RNF212B: variants seen among roughly 807,000 people sequenced by gnomAD.
RNF212B encodes the protein ring finger protein 212B, also known as E3 ubiquitin-protein ligase RNF212B.
A neutral mutation model predicts 55.5 loss-of-function variants in RNF212B; 52 were observed. The observed-to-expected ratio is 0.94, with a 90% CI of 0.75 to 1.18. The LOEUF (loss-of-function observed/expected upper bound fraction) is 1.18. RNF212B is among the 50% of genes most tolerant of loss of function. RNF212B has a pLI of 0.00. For missense variants in RNF212B, 289 were observed against 350.4 expected, an observed-to-expected ratio of 0.82 and a Z score of 1.40; for synonymous variants, 99 against 121.4, an observed-to-expected ratio of 0.82 and a Z score of 1.21.
intron 2 of RNF212B, among the ~76,000 whole-genome samples, chr14:23,227,325 A>G (rs1001317787): frequency 2.0e-5 from 3 of 152,126 alleles, no homozygotes; most frequent in Non-Finnish European, 4.4e-5. Flanking sequence ...TTATTTTAAA[A>G]CAAAAAGTTA....
At chr14:23,260,598 AG>A in intron 6 of RNF212B, 60 bp from the exon 7 acceptor site, 1 of 1,462,020 alleles carries the variant, frequency 6.8e-7, no homozygotes, top group Non-Finnish European at 9.4e-7. Flanking sequence ...GTAAGACTGA[AG>A]ATCTGTTGAT....
intron 2 of RNF212B, among the ~76,000 whole-genome samples, chr14:23,225,310 T>C (rs1439088150): frequency 6.6e-6 from 1 of 152,200 alleles, no homozygotes; most frequent in East Asian, 1.9e-4. Flanking sequence ...ACTGGGTATA[T>C]ACCCAAAAGA....
At chr14:23,265,874 T>A (rs916858434) in intron 11 of RNF212B, among the ~76,000 whole-genome samples, 1 of 152,248 alleles carries the variant, frequency 6.6e-6, no homozygotes, top group East Asian at 1.9e-4. Context: ...TTTTTTACTA[T>A]TGATGTTTCC....
intron 1 of RNF212B, chr14:23,188,462 T>A (rs1316101680): frequency 2.2e-5 from 3 of 135,892 alleles, no homozygotes; most frequent in Non-Finnish European, 4.5e-5. Flanking sequence ...AGATTAGGGT[T>A]TTTTTTTTTT....
At chr14:23,229,515 C>T (rs182490799) in intron 2 of RNF212B, among the ~76,000 whole-genome samples, 1 of 151,938 alleles carries the variant, frequency 6.6e-6, no homozygotes, top group African/African-American at 2.4e-5. Flanking sequence ...CAGCAATGTA[C>T]AAGGGTTCTG....
intron 2 of RNF212B, among the ~76,000 whole-genome samples, chr14:23,207,035 T>G (rs945013462): frequency 6.6e-6 from 1 of 152,198 alleles, no homozygotes; most frequent in African/African-American, 2.4e-5. Flanking sequence ...TCCTTTTAAT[T>G]AAGCTGATTT....
Position 23,272,911 on chromosome 14 carries a change from C to T in RNF212B, c.*20C>T. 7.0e-7 allele frequency: 1 copy of T among 1,419,588 alleles called. No homozygotes were observed. Among genetic ancestry groups the T allele is most frequent in the Non-Finnish European group, 9.6e-7 (1 of 1,041,374 alleles). The allele number at this position is 1,419,588 out of a possible 1,614,324, so 87.9% of individuals were successfully genotyped here. ...AGATAGATCATCTTCAAGATCTGAT[C>T]TATACATGCTGCTGAAGGATGGACT... On this transcript the variant is annotated 3_prime_UTR_variant, in exon 15 of 15. Transcript: ENST00000430154.
At chr14:23,235,214 G>GA (rs34181212), upstream of RNF212B, among the ~76,000 whole-genome samples, 44 of 147,482 alleles carry the variant, frequency 3.0e-4, no homozygotes, top group South Asian at 6.4e-4. Context: ...TCTGTCTCAG[G>GA]AAAAAAAAAA....
At chr14:23,189,198 G>C (rs1877880806) in intron 1 of RNF212B, among the ~76,000 whole-genome samples, 1 of 152,120 alleles carries the variant, frequency 6.6e-6, no homozygotes. Context: ...GCTTCTAGTT[G>C]ACATCTTTGA....
intron 4 of RNF212B, among the ~76,000 whole-genome samples, chr14:23,246,061 A>G (rs1883955240): frequency 6.6e-6 from 1 of 151,638 alleles, no homozygotes; most frequent in African/African-American, 2.4e-5. Flanking sequence ...TGAATTCTTT[A>G]CTCACCTCAA....
rs368687527 is a variant in RNF212B, at chr14:23,197,940, C to T, written c.-2+4539C>T. Among the ~76,000 whole-genome samples, 19 of 152,040 alleles carry T rather than the reference C, an allele frequency of 1.2e-4. No individual in the cohort carries two copies. The East Asian group carries it at 2.7e-3, about 22-fold the overall frequency. ...TCAAAGGGGGTTGTTCTCTGGTGGG[C>T]AGGCGGGGATCTCACAAAGTACATT... On this transcript the variant is annotated intron_variant, in intron 2 of 15. Transcript: ENST00000399910.
At chr14:23,257,963 TA>T (rs34014159) in intron 4 of RNF212B, among the ~76,000 whole-genome samples, 6 of 152,070 alleles carry the variant, frequency 3.9e-5, no homozygotes, top group African/African-American at 1.4e-4. Context: ...AAAACAGTTT[TA>T]AAAAAAATCT....
At position 23,244,381 on chromosome 14, in the gene RNF212B, T is replaced by C. The variant is rs1457898910; in HGVS notation, c.213T>C (p.Phe71=). ...KSPVETALQY[F]SHISQVWSFQ... ...CTGTGGAGACAGCTTTGCAGTATTTTAGTCACATCTCTCAGGTATGAGAAA... is the reference window on the plus strand; with the variant it reads ...CTGTGGAGACAGCTTTGCAGTATTTCAGTCACATCTCTCAGGTATGAGAAA... The change falls in exon 4 of 15, where the codon TTT becomes TTC. Residue 71 remains phenylalanine, a synonymous_variant. Transcript: ENST00000430154. 1 of 1,540,906 alleles carries C rather than the reference T, an allele frequency of 6.5e-7. No homozygotes were observed. Among genetic ancestry groups the C allele is most frequent in the Non-Finnish European group, 8.8e-7 (1 of 1,141,664 alleles).
chr14:23,237,175 G>A (rs1278136519), upstream of RNF212B, among the ~76,000 whole-genome samples: 1 of 151,094 alleles, frequency 6.6e-6, no homozygotes, highest in African/African-American at 2.4e-5. Context: ...TGTCTCCCAG[G>A]CTGAAGTGCA....
At chr14:23,268,206 G>T (rs1885831342) in intron 11 of RNF212B, among the ~76,000 whole-genome samples, 2 of 152,128 alleles carry the variant, frequency 1.3e-5, no homozygotes, top group African/African-American at 4.8e-5. Flanking sequence ...GGTCTTCCAG[G>T]GAACCACTAG....
In RNF212B at chr14:23,220,992, G is replaced by T. The variant is rs552380032; in HGVS notation, c.-1-19353G>T. ...ACAAATAAAATGGCAGGAGTAAGCT[G>T]CTATTTATCAATAATAACATTGAAT... On this transcript the variant is annotated intron_variant, in intron 2 of 15. Transcript: ENST00000399910. Among the ~76,000 whole-genome samples the T allele has an allele frequency of 2.6e-3, 397 of 152,218 alleles. 12 individuals carry two copies. Among genetic ancestry groups the T allele is most frequent in the Middle Eastern group, 3.4e-3 (1 of 294 alleles).
intron 4 of RNF212B, among the ~76,000 whole-genome samples, chr14:23,244,833 T>TTCAATAACCTC (rs1883876615): frequency 6.6e-6 from 1 of 152,224 alleles, no homozygotes; most frequent in South Asian, 2.1e-4. Context: ...ATTCTCACTT[T>TTCAATAACCTC]TCAATAACCT....
At chr14:23,212,439 G>C (rs900173786) in intron 2 of RNF212B, among the ~76,000 whole-genome samples, 1 of 152,058 alleles carries the variant, frequency 6.6e-6, no homozygotes, top group African/African-American at 2.4e-5. Context: ...TGGAATCTGT[G>C]AAAAAGCTCT....
intron 2 of RNF212B, among the ~76,000 whole-genome samples, chr14:23,204,724 A>G (rs1285766883): frequency 6.6e-6 from 1 of 152,070 alleles, no homozygotes; most frequent in Non-Finnish European, 1.5e-5. Flanking sequence ...TTCATTCCAT[A>G]TGAAGTTTAG....
Sources: gnomAD v4.1 joint callset for allele counts (sites outside exome capture counted in the v4.1 genomes callset) on GRCh38, gnomAD v4.1.1 for gene constraint, MANE v1.5 for transcripts, NCBI Gene and HGNC (gene_info 2026-07-23, HGNC 2026-07-21) for gene names.